Variants in PRR16 observed in about 807,000 individuals in gnomAD.
PRR16 encodes proline rich 16, also known as protein Largen.
In PRR16, 6 loss-of-function variants were observed where a neutral mutation model predicts 18.2. The ratio of observed to expected loss-of-function variants is 0.33; its 90% CI spans 0.18 to 0.65. PRR16 has a LOEUF of 0.65. Ranked by LOEUF, PRR16 falls within the 30% of genes least tolerant of loss-of-function variation. The pLI is 0.74. For synonymous variants in PRR16, 151 were observed against 147.8 expected (o/e 1.02, Z -0.16); for missense variants, 412 against 376.6 (o/e 1.09, Z -0.78).
chr5:120,655,722 T>G (rs1580839653), intron 1 of PRR16, among the ~76,000 whole-genome samples: 1 of 69,854 alleles, frequency 1.4e-5, no homozygotes, highest in Non-Finnish European at 2.8e-5. Context: ...TGATAGCAAT[T>G]GACTTTTTTT....
At chr5:120,577,638 G>A (rs1050418059) in intron 1 of PRR16, among the ~76,000 whole-genome samples, 5 of 152,100 alleles carry the variant, frequency 3.3e-5, no homozygotes, top group Non-Finnish European at 5.9e-5. Context: ...GGTAGGTAAC[G>A]TTTGGTGTGC....
At chr5:120,702,250 CGGGGCACG>C in the PRR16 span, among the ~76,000 whole-genome samples, 167 of 64,294 alleles carry the variant, frequency 2.6e-3, 1 homozygote, top group Non-Finnish European at 4.0e-3. Context: ...AATAAGGGGT[CGGGGCACG>C]GAAATAAGGG....
At chr5:120,777,823 T>C in the PRR16 span, among the ~76,000 whole-genome samples, 1 of 152,096 alleles carries the variant, frequency 6.6e-6, no homozygotes, top group Non-Finnish European at 1.5e-5. Context: ...ATTAAAAATG[T>C]GGAAATCATA....
At chr5:120,501,556 T>C (rs1750453162) in intron 1 of PRR16, among the ~76,000 whole-genome samples, 1 of 152,188 alleles carries the variant, frequency 6.6e-6, no homozygotes, top group Non-Finnish European at 1.5e-5. Context: ...ATTTTCCCTA[T>C]GGTTTAAAAG....
At chr5:120,794,295 T>G in the PRR16 span, among the ~76,000 whole-genome samples, 2 of 152,104 alleles carry the variant, frequency 1.3e-5, no homozygotes, top group African/African-American at 4.8e-5. Context: ...TTTGTTGTGC[T>G]TCAGACAGAT....
intron 1 of PRR16, among the ~76,000 whole-genome samples, chr5:120,583,975 A>G (rs1007031177): frequency 7.9e-5 from 12 of 152,216 alleles, no homozygotes; most frequent in Non-Finnish European, 1.5e-5. Context: ...GTGTGCTGTG[A>G]TGAAAGAAGA....
At chr5:120,662,626 G>C (rs1479504478) in intron 1 of PRR16, among the ~76,000 whole-genome samples, 4 of 152,026 alleles carry the variant, frequency 2.6e-5, no homozygotes, top group Admixed American at 6.6e-5. Flanking sequence ...TATCACAATA[G>C]TGTTTATAGA....
chr5:120,635,641 G>C (rs1438330073), intron 1 of PRR16, among the ~76,000 whole-genome samples: 1 of 152,112 alleles, frequency 6.6e-6, no homozygotes, highest in Non-Finnish European at 1.5e-5. Context: ...AACCATCTAT[G>C]ATAAACCCAC....
At chr5:120,615,383 T>C (rs1754472867) in intron 1 of PRR16, among the ~76,000 whole-genome samples, 1 of 133,154 alleles carries the variant, frequency 7.5e-6, no homozygotes, top group African/African-American at 2.7e-5. Context: ...TTCTTTCTTT[T>C]CTTTTTTTTT....
At chr5:120,496,196 A>C (rs549717174) in intron 1 of PRR16, among the ~76,000 whole-genome samples, 1 of 152,036 alleles carries the variant, frequency 6.6e-6, no homozygotes, top group Non-Finnish European at 1.5e-5. Flanking sequence ...TGGTAAAAAC[A>C]ATTGATAAGG....
chr5:120,519,017 A>G (rs1207028044), intron 1 of PRR16, among the ~76,000 whole-genome samples: 1 of 152,056 alleles, frequency 6.6e-6, no homozygotes, highest in Non-Finnish European at 1.5e-5. Flanking sequence ...TACAATCTTA[A>G]TAGTTTGGCG....
intron 1 of PRR16, chr5:120,481,200 T>A (rs182275204): frequency 3.7e-6 from 3 of 800,908 alleles, no homozygotes. Context: ...CAGGCTAGAG[T>A]GCAATGGCAC....
At chr5:120,707,561 G>A in the PRR16 span, among the ~76,000 whole-genome samples, 8,911 of 152,238 alleles carry the variant, frequency 0.059, 332 homozygotes, top group South Asian at 0.088. Context: ...AAGGCAGGAA[G>A]AGCCATATAA....
chr5:120,703,810 A>G, the PRR16 span, among the ~76,000 whole-genome samples: 1 of 152,212 alleles, frequency 6.6e-6, no homozygotes, highest in Non-Finnish European at 1.5e-5. Flanking sequence ...GTTAGTCCTC[A>G]TAGATTTCCT....
intron 1 of PRR16, among the ~76,000 whole-genome samples, chr5:120,477,556 A>T (rs1419181843): frequency 1.3e-5 from 2 of 152,156 alleles, no homozygotes; most frequent in African/African-American, 4.8e-5. Context: ...TCTCACTTTG[A>T]TTGCTACAAT....
chr5:120,772,929 A>T, the PRR16 span, among the ~76,000 whole-genome samples: 1 of 152,108 alleles, frequency 6.6e-6, no homozygotes, highest in African/African-American at 2.4e-5. Flanking sequence ...AAAATATACT[A>T]GACATTTTGG....
At chr5:120,490,746 A>C (rs755678845) in intron 1 of PRR16, among the ~76,000 whole-genome samples, 1 of 83,480 alleles carries the variant, frequency 1.2e-5, no homozygotes, top group Non-Finnish European at 2.3e-5. Context: ...TAGAATTTTC[A>C]GTTTTTCTGC....
At chr5:120,780,903 A>C in the PRR16 span, among the ~76,000 whole-genome samples, 2 of 152,210 alleles carry the variant, frequency 1.3e-5, no homozygotes, top group East Asian at 3.9e-4. Context: ...TACAAAAATT[A>C]GTTGGGCGTG....
At chr5:120,688,682 T>C (rs931061751), downstream of PRR16, among the ~76,000 whole-genome samples, 1 of 152,162 alleles carries the variant, frequency 6.6e-6, no homozygotes, top group African/African-American at 2.4e-5. Context: ...TCTTTCCTCT[T>C]CCACCAGTTA....
Sources: gnomAD v4.1 joint callset for allele counts (sites outside exome capture counted in the v4.1 genomes callset) on GRCh38, gnomAD v4.1.1 for gene constraint, MANE v1.5 for transcripts, NCBI Gene and HGNC (gene_info 2026-07-23, HGNC 2026-07-21) for gene names.